Variants in ROBO2 observed in about 807,000 individuals in gnomAD.
The protein encoded by ROBO2 is roundabout guidance receptor 2.
ROBO2 carries 53 observed loss-of-function variants against 160.8 expected under a neutral mutation model. That is an observed-to-expected ratio of 0.33 (90% CI 0.26 to 0.41). The LOEUF (loss-of-function observed/expected upper bound fraction) is 0.41. Among genes scored for constraint, ROBO2 ranks in the 10% least tolerant of loss-of-function variants. ROBO2 has a pLI of 1.00. For synonymous variants in ROBO2, 664 were observed against 611.7 expected, an observed-to-expected ratio of 1.09 and a Z score of -1.26; for missense variants, 1,577 against 1,722.4, an observed-to-expected ratio of 0.92 and a Z score of 1.49.
chr3:76,919,114 G>A (rs941452864), intron 2 of ROBO2, among the ~76,000 whole-genome samples: 1 of 151,882 alleles, frequency 6.6e-6, no homozygotes, highest in East Asian at 1.9e-4. Context: ...GGGTTGATAG[G>A]TACAGCAAAC....
chr3:76,997,731 A>C (rs910960358), intron 2 of ROBO2, among the ~76,000 whole-genome samples: 1 of 152,174 alleles, frequency 6.6e-6, no homozygotes, highest in Admixed American at 6.6e-5. Context: ...CATATCACTT[A>C]GTTTTTGCTG....
upstream of ROBO2, among the ~76,000 whole-genome samples, chr3:77,038,959 G>A (rs1295941164): frequency 6.6e-6 from 1 of 152,178 alleles, no homozygotes; most frequent in African/African-American, 2.4e-5. Context: ...AAGACTTCGG[G>A]GATCCCCCTC....
chr3:76,615,642 A>G (rs1354798066), intron 2 of ROBO2, among the ~76,000 whole-genome samples: 1 of 152,206 alleles, frequency 6.6e-6, no homozygotes, highest in African/African-American at 2.4e-5. Flanking sequence ...GAATATGTGG[A>G]ATTCAGTCAG....
chr3:77,246,011 T>C (rs565517084), intron 2 of ROBO2, among the ~76,000 whole-genome samples: 15 of 152,328 alleles, frequency 9.8e-5, no homozygotes, highest in African/African-American at 3.6e-4. Context: ...CTGTGTTTTT[T>C]AGTAGTGACT....
At chr3:76,218,112 G>A (rs1215830715) in intron 2 of ROBO2, among the ~76,000 whole-genome samples, 4 of 152,200 alleles carry the variant, frequency 2.6e-5, no homozygotes, top group Admixed American at 6.5e-5. Context: ...AAATTCAACA[G>A]CCCTTCATGC....
intron 2 of ROBO2, among the ~76,000 whole-genome samples, chr3:77,206,161 G>GT (rs965790131): frequency 3.3e-5 from 5 of 150,554 alleles, no homozygotes; most frequent in Non-Finnish European, 7.4e-5. Flanking sequence ...CTCTCTCTCT[G>GT]TTTTTTTCTT....
chr3:76,196,934 A>C (rs1208170897), intron 2 of ROBO2, among the ~76,000 whole-genome samples: 1 of 152,200 alleles, frequency 6.6e-6, no homozygotes, highest in Non-Finnish European at 1.5e-5. Flanking sequence ...ATATGCATCT[A>C]AATTTAGTAT....
chr3:75,911,552 CTTTTT>C (rs56787695), intron 1 of ROBO2, among the ~76,000 whole-genome samples: 3 of 83,558 alleles, frequency 3.6e-5, no homozygotes, highest in Non-Finnish European at 4.4e-5. Context: ...AGCCTTGTTT[CTTTTT>C]TTTTTTTTTT....
chr3:76,648,761 A>C (rs1007660768), intron 2 of ROBO2, among the ~76,000 whole-genome samples: 1 of 152,166 alleles, frequency 6.6e-6, no homozygotes, highest in African/African-American at 2.4e-5. Context: ...GAAATATTTC[A>C]AAATTTAAAA....
intron 2 of ROBO2, among the ~76,000 whole-genome samples, chr3:77,217,463 G>A (rs1449903628): frequency 6.6e-6 from 1 of 152,078 alleles, no homozygotes; most frequent in Non-Finnish European, 1.5e-5. Context: ...CTGTCAACTT[G>A]AAAATAAGCA....
At chr3:77,616,888 AG>A (rs2094792039) in intron 21 of ROBO2, among the ~76,000 whole-genome samples, 1 of 152,160 alleles carries the variant, frequency 6.6e-6, no homozygotes, top group Non-Finnish European at 1.5e-5. Context: ...CTACAATAAA[AG>A]TATTATTTTT....
intron 2 of ROBO2, among the ~76,000 whole-genome samples, chr3:76,875,060 A>G (rs949131475): frequency 6.6e-6 from 1 of 152,208 alleles, no homozygotes; most frequent in East Asian, 1.9e-4. Flanking sequence ...AGAAGTGATT[A>G]GGCCATGATG....
chr3:77,090,541 A>G (rs558110431), intron 1 of ROBO2, among the ~76,000 whole-genome samples: 1 of 151,318 alleles, frequency 6.6e-6, no homozygotes, highest in South Asian at 2.1e-4. Context: ...TTTTTAGTAG[A>G]GACAAGGTTT....
At chr3:77,309,350 T>C (rs1054135847) in intron 2 of ROBO2, among the ~76,000 whole-genome samples, 1 of 152,200 alleles carries the variant, frequency 6.6e-6, no homozygotes, top group East Asian at 1.9e-4. Flanking sequence ...CAGCATGTGA[T>C]ACCAATTACA....
intron 13 of ROBO2, among the ~76,000 whole-genome samples, chr3:77,569,919 A>T (rs914769262): frequency 1.3e-5 from 2 of 151,952 alleles, no homozygotes; most frequent in Non-Finnish European, 2.9e-5. Flanking sequence ...CAGTTTTGAC[A>T]TAATTTTGCA....
chr3:76,108,921 A>C (rs1476957361), intron 2 of ROBO2, among the ~76,000 whole-genome samples: 1 of 151,404 alleles, frequency 6.6e-6, no homozygotes, highest in African/African-American at 2.4e-5. Context: ...TTAGATTACT[A>C]TTAATGTATT....
intron 2 of ROBO2, among the ~76,000 whole-genome samples, chr3:77,363,821 A>G (rs768640897): frequency 6.6e-6 from 1 of 152,090 alleles, no homozygotes; most frequent in Non-Finnish European, 1.5e-5. Context: ...AGAGGGATTC[A>G]AGTGTCTATG....
At chr3:77,628,833 G>T (rs2095094347) in intron 23 of ROBO2, among the ~76,000 whole-genome samples, 1 of 152,090 alleles carries the variant, frequency 6.6e-6, no homozygotes, top group Non-Finnish European at 1.5e-5. Flanking sequence ...CTTCAGATTG[G>T]GTCATGAGAT....
rs147573165 is a variant in ROBO2, at chr3:75,925,959, TTAAAAG to T, written c.-13-11517_-13-11512del. Among the ~76,000 whole-genome samples the T allele has an allele frequency of 1.4e-3, 208 of 152,348 alleles. 6 individuals are homozygous for T. The East Asian group carries it at 0.038, about 28-fold the overall frequency. On this transcript the variant is annotated intron_variant, in intron 1 of 26. Coordinates refer to the ROBO2 transcript ENST00000487694. Reference sequence around the variant, plus strand: ...AGAACACTAAATTTGTCATATTTTCTTAAAAGTAAACAAAAATGTTCCTTTTGATAA... The same window carrying T: ...AGAACACTAAATTTGTCATATTTTCTTAAACAAAAATGTTCCTTTTGATAA...
Sources: allele counts gnomAD v4.1 joint callset (sites outside exome capture counted in the v4.1 genomes callset), GRCh38; gene constraint gnomAD v4.1.1; transcripts MANE v1.5; gene names NCBI Gene and HGNC (gene_info 2026-07-23, HGNC 2026-07-21).